FANCD2OS: variants seen among roughly 807,000 people sequenced by gnomAD.
FANCD2OS encodes FANCD2 opposite strand protein.
FANCD2OS carries 11 observed loss-of-function variants against 13.2 expected under a neutral mutation model. The ratio of observed to expected loss-of-function variants is 0.83; its 90% CI spans 0.52 to 1.38. The LOEUF (loss-of-function observed/expected upper bound fraction) is 1.38, where lower values mean the gene tolerates loss of function less well. FANCD2OS is among the 40% of genes most tolerant of loss of function. The pLI is 0.00. For synonymous variants in FANCD2OS, 69 were observed against 84.5 expected, an observed-to-expected ratio of 0.82 and a Z score of 1.01; for missense variants, 217 against 213.9, an observed-to-expected ratio of 1.01 and a Z score of -0.09.
downstream of FANCD2OS, chr3:10,101,143 G>A (rs1449092710): frequency 7.1e-7 from 1 of 1,410,708 alleles, no homozygotes; most frequent in African/African-American, 1.4e-5. Flanking sequence ...AGGTCACCCA[G>A]AGCAGTAACC....
chr3:10,100,580 C>T (rs60393040), downstream of FANCD2OS, among the ~76,000 whole-genome samples: 8 of 152,284 alleles, frequency 5.3e-5, no homozygotes, highest in South Asian at 2.1e-4. Flanking sequence ...CCATGTTGGC[C>T]GGGCTGGTCT....
At position 10,104,371 on chromosome 3, in the gene FANCD2OS, T is replaced by G; in HGVS notation, c.404A>C (p.Gln135Pro). 6.2e-7 allele frequency: 1 copy of G among 1,614,238 alleles called. No homozygotes were observed. The highest frequency in any genetic ancestry group is 8.5e-7 in the Non-Finnish European group (1 of 1,180,046). ...AGGCTCCTTCAGTCCAATGGGCCAC[T>G]GGTGCTCCCTGCTAATGATTTTGCA... The part of the protein sequence containing the change: ...AFCKIISREH[Q>P]WPIGLKEPQI... Residue 135 changes from glutamine to proline, a missense_variant, in exon 2 of 2, where the codon CAG becomes CCG. Physicochemically the swap from Gln to Pro is moderately conservative, Grantham distance 76. Transcript: ENST00000450660.
intron 2 of FANCD2OS, among the ~76,000 whole-genome samples, chr3:10,091,230 G>A (rs1490852035): frequency 2.0e-5 from 3 of 150,484 alleles, no homozygotes; most frequent in Admixed American, 6.7e-5. Flanking sequence ...ACAGGTGCAC[G>A]CCACCATGCC....
Position 10,105,760 on chromosome 3 carries a change from AAAAAAAAAAAATTATATAT to A in FANCD2OS, c.-8-997_-8-979del, listed in dbSNP as rs1695454029. Among the ~76,000 whole-genome samples, 4 of 70,594 alleles carry A rather than the reference AAAAAAAAAAAATTATATAT, an allele frequency of 5.7e-5. No homozygotes were observed. The African/African-American group carries it at 6.1e-4, about 11-fold the overall frequency. The allele number at this position is 70,594 out of a possible 152,430, so 46.3% of individuals were successfully genotyped here. ...AGCAAGACTCCATCTAAAAAAAAAAAAAAAAAAAAAATTATATATATATATATATATATATATATATATA... is the reference window on the plus strand; with the variant it reads ...AGCAAGACTCCATCTAAAAAAAAAAAATATATATATATATATATATATATA... On this transcript the variant is annotated intron_variant, in intron 1 of 1. Transcript: ENST00000450660.
intron 2 of FANCD2OS, among the ~76,000 whole-genome samples, chr3:10,096,808 T>C (rs1575871159): frequency 6.6e-6 from 1 of 152,224 alleles, no homozygotes; most frequent in Non-Finnish European, 1.5e-5. Flanking sequence ...CATTTTTGTA[T>C]AGGGACAAAC....
intron 1 of FANCD2OS, among the ~76,000 whole-genome samples, chr3:10,107,305 T>C (rs979105300): frequency 1.3e-5 from 2 of 150,806 alleles, no homozygotes; most frequent in Admixed American, 1.3e-4. Context: ...CTTTTTTTTT[T>C]GAGACAGAGC....
At chr3:10,105,710 C>T (rs577603839) in intron 1 of FANCD2OS, among the ~76,000 whole-genome samples, 1 of 138,220 alleles carries the variant, frequency 7.2e-6, no homozygotes, top group Admixed American at 7.6e-5. Context: ...AAGATCGCAC[C>T]ACTGCACTCC....
intron 2 of FANCD2OS, among the ~76,000 whole-genome samples, chr3:10,093,084 CT>C (rs1426098550): frequency 6.6e-6 from 1 of 152,160 alleles, no homozygotes; most frequent in Non-Finnish European, 1.5e-5. Flanking sequence ...GTTTATTTCT[CT>C]TTGCTCGTCT....
intron 1 of FANCD2OS, among the ~76,000 whole-genome samples, chr3:10,105,836 T>G (rs1695485090): frequency 7.6e-6 from 1 of 132,126 alleles, no homozygotes; most frequent in African/African-American, 2.7e-5. Flanking sequence ...AGGTTCGCGA[T>G]GTATGAACCC....
chr3:10,103,016 G>T (rs1695362678), downstream of FANCD2OS: 2 of 420,686 alleles, frequency 4.8e-6, no homozygotes, highest in African/African-American at 4.2e-5. Flanking sequence ...CAACACTTTG[G>T]GAGGCCGAGG....
intron 2 of FANCD2OS, chr3:10,088,730 C>G: frequency 1.5e-6 from 2 of 1,341,196 alleles, no homozygotes; most frequent in East Asian, 2.3e-5. Flanking sequence ...TGTTAGCTAA[C>G]TGCTTATTGT....
At chr3:10,099,370 C>T, downstream of FANCD2OS, 1 of 1,151,366 alleles carries the variant, frequency 8.7e-7, no homozygotes, top group Non-Finnish European at 1.1e-6. Context: ...TGCTTGTAAT[C>T]CTAGCACTTT....
downstream of FANCD2OS, chr3:10,098,870 G>A (rs1164390533): frequency 6.2e-7 from 1 of 1,614,180 alleles, no homozygotes; most frequent in South Asian, 1.1e-5. Flanking sequence ...TTTGTTAATT[G>A]TTCTAAGTTG....
chr3:10,086,370 C>T (rs1210226918), intron 2 of FANCD2OS, among the ~76,000 whole-genome samples: 5 of 152,160 alleles, frequency 3.3e-5, no homozygotes, highest in South Asian at 2.1e-4. Context: ...GCATGGCTTT[C>T]GGCCCCCTCC....
At chr3:10,081,606 TTGTC>T (rs1459072154) in intron 2 of FANCD2OS, 7 of 765,256 alleles carry the variant, frequency 9.1e-6, no homozygotes, top group African/African-American at 5.1e-5. Flanking sequence ...GGGAGTGTTT[TTGTC>T]TGTATTATTT....
chr3:10,105,771 ATTATATATATATATATATATAT>A (rs1695471559), intron 1 of FANCD2OS, among the ~76,000 whole-genome samples: 3 of 14,060 alleles, frequency 2.1e-4, no homozygotes, highest in African/African-American at 1.9e-3. Flanking sequence ...AAAAAAAAAA[ATTATATATATATATATATATAT>A]ATATATATAT....
intron 2 of FANCD2OS, chr3:10,087,279 TCC>T (rs77192427): frequency 2.6e-6 from 4 of 1,512,126 alleles, no homozygotes; most frequent in Admixed American, 1.9e-5. Flanking sequence ...TGGGCCTAGA[TCC>T]TTTTTTTTTT....
At chr3:10,085,949 T>G in intron 2 of FANCD2OS, 4 of 1,489,366 alleles carry the variant, frequency 2.7e-6, no homozygotes, top group Non-Finnish European at 3.8e-6. Context: ...TAGCCAAGAT[T>G]GTTGTCCCAA....
chr3:10,094,278 CTCT>C lies in FANCD2OS; in HGVS notation c.*43+9917_*43+9919del, dbSNP rs2125090590. On this transcript the variant is annotated intron_variant, in intron 2 of 2. Transcript: ENST00000524279. Reference sequence around the variant, plus strand: ...CTCAGCTAGAGGTAACAGTGTGTCTCTCTTCTTCAGTATGGGCGTCTCTTTGTG... The same window carrying C: ...CTCAGCTAGAGGTAACAGTGTGTCTCTCTTCAGTATGGGCGTCTCTTTGTG... 1.2e-6 allele frequency: 2 copies of C among 1,612,542 alleles called. No individual in the cohort carries two copies. Among genetic ancestry groups the C allele is most frequent in the South Asian group, 2.2e-5 (2 of 91,052 alleles).
Sources: gnomAD v4.1 joint callset for allele counts (sites outside exome capture counted in the v4.1 genomes callset) on GRCh38, gnomAD v4.1.1 for gene constraint, MANE v1.5 for transcripts, NCBI Gene and HGNC (gene_info 2026-07-23, HGNC 2026-07-21) for gene names.